The following CTNND2 variants were observed in gnomAD, a reference collection of about 807,000 sequenced individuals.
The protein encoded by CTNND2 is catenin delta 2, also known as catenin delta-2.
A neutral mutation model predicts 144.4 loss-of-function variants in CTNND2; 22 were observed. The observed-to-expected ratio is 0.15, with a 90% confidence interval of 0.11 to 0.22. The LOEUF (loss-of-function observed/expected upper bound fraction) is 0.22, where lower values mean the gene tolerates loss of function less well. Ranked by LOEUF, CTNND2 falls within the 10% of genes least tolerant of loss-of-function variation. The probability of loss-of-function intolerance (pLI) is 1.00; values close to 1 mark genes in which losing one functional copy is unlikely to be tolerated. For synonymous variants in CTNND2, 751 were observed against 695.6 expected (o/e 1.08, Z -1.25); for missense variants, 1,353 against 1,618.8 (o/e 0.84, Z 2.82).
chr5:11,214,074 A>C (rs1738924317), intron 10 of CTNND2, among the ~76,000 whole-genome samples: 1 of 152,100 alleles, frequency 6.6e-6, no homozygotes, highest in Admixed American at 6.5e-5. Context: ...CTTTCCAATA[A>C]TTCAAATAGC....
chr5:11,805,972 A>G (rs1192980989), intron 1 of CTNND2, among the ~76,000 whole-genome samples: 2 of 152,132 alleles, frequency 1.3e-5, no homozygotes, highest in Non-Finnish European at 2.9e-5. Flanking sequence ...CACTAACCCT[A>G]TCAGACAGAT....
rs771701274 is a variant in CTNND2, at chr5:11,062,619, C to T, written c.2788+20077G>A. Among the ~76,000 whole-genome samples the T allele has an allele frequency of 2.6e-4, 40 of 152,240 alleles. 1 individual carries two copies. The highest frequency in any genetic ancestry group is 4.6e-4 in the Non-Finnish European group (31 of 68,044). On this transcript the variant is annotated intron_variant, in intron 16 of 21. Transcript: ENST00000304623. Reference sequence around the variant, plus strand: ...TTAACCCTTGACTACATGGGAACAACGCCAAGCTCATAGCTATAGTTCCAC... The same window carrying T: ...TTAACCCTTGACTACATGGGAACAATGCCAAGCTCATAGCTATAGTTCCAC...
At chr5:11,423,390 C>T (rs1188238075) in intron 3 of CTNND2, among the ~76,000 whole-genome samples, 9 of 152,228 alleles carry the variant, frequency 5.9e-5, no homozygotes, top group African/African-American at 1.9e-4. Context: ...GATATTTCTG[C>T]AGGAGAAGAG....
At chr5:11,144,173 C>T (rs998290806) in intron 12 of CTNND2, among the ~76,000 whole-genome samples, 8 of 152,200 alleles carry the variant, frequency 5.3e-5, no homozygotes, top group Admixed American at 1.3e-4. Flanking sequence ...TGCCACTTGG[C>T]GGGTTAGAAA....
chr5:11,607,824 A>G (rs138377359), intron 2 of CTNND2, among the ~76,000 whole-genome samples: 2 of 152,298 alleles, frequency 1.3e-5, no homozygotes, highest in East Asian at 3.9e-4. Flanking sequence ...ATCCAACTTT[A>G]AAAGGACCAC....
chr5:11,184,992 G>T (rs893404182), intron 11 of CTNND2, among the ~76,000 whole-genome samples: 1 of 152,164 alleles, frequency 6.6e-6, no homozygotes, highest in Admixed American at 6.5e-5. Context: ...GTCTGAGCAG[G>T]TGTGCAAGAA....
At chr5:11,437,883 C>T (rs145640096) in intron 3 of CTNND2, among the ~76,000 whole-genome samples, 94 of 152,274 alleles carry the variant, frequency 6.2e-4, no homozygotes, top group African/African-American at 2.2e-3. Flanking sequence ...CCACAAGCAC[C>T]CTCACACAAG....
chr5:11,141,286 G>A (rs1756696108), intron 12 of CTNND2, among the ~76,000 whole-genome samples: 1 of 151,802 alleles, frequency 6.6e-6, no homozygotes, highest in Non-Finnish European at 1.5e-5. Context: ...ATGCATATAA[G>A]ACCGTCATTT....
intron 1 of CTNND2, among the ~76,000 whole-genome samples, chr5:11,758,893 C>A (rs771481853): frequency 2.6e-5 from 4 of 151,992 alleles, no homozygotes; most frequent in South Asian, 2.1e-4. Flanking sequence ...GAATGTTTCA[C>A]ATCATCAACA....
At chr5:11,239,028 A>G (rs1329407127) in intron 9 of CTNND2, among the ~76,000 whole-genome samples, 1 of 152,268 alleles carries the variant, frequency 6.6e-6, no homozygotes, top group Non-Finnish European at 1.5e-5. Context: ...ATGCAAATTA[A>G]TTCGAAATCT....
At chr5:11,544,181 T>C (rs1179025833) in intron 3 of CTNND2, among the ~76,000 whole-genome samples, 2 of 151,272 alleles carry the variant, frequency 1.3e-5, no homozygotes, top group Admixed American at 1.3e-4. Context: ...ATTTTTTTTT[T>C]CTTTTTTTTT....
At chr5:11,009,243 G>A (rs887837998) in intron 18 of CTNND2, among the ~76,000 whole-genome samples, 2 of 152,204 alleles carry the variant, frequency 1.3e-5, no homozygotes, top group Non-Finnish European at 2.9e-5. Context: ...GAGAGATGGA[G>A]CTAGCCAGCA....
intron 12 of CTNND2, among the ~76,000 whole-genome samples, chr5:11,147,635 A>G (rs1180965544): frequency 6.6e-6 from 1 of 150,842 alleles, no homozygotes; most frequent in African/African-American, 2.4e-5. Flanking sequence ...ATACAAAGAC[A>G]GATGGCCATA....
At chr5:11,888,171 A>T (rs1266046141) in intron 1 of CTNND2, among the ~76,000 whole-genome samples, 2 of 152,244 alleles carry the variant, frequency 1.3e-5, no homozygotes, top group Non-Finnish European at 1.5e-5. Context: ...AAGTGCAAAA[A>T]CAAAATGTTG....
intron 3 of CTNND2, among the ~76,000 whole-genome samples, chr5:11,509,720 G>A (rs568218517): frequency 1.3e-5 from 2 of 152,244 alleles, no homozygotes; most frequent in South Asian, 4.1e-4. Flanking sequence ...TCTTAAAACT[G>A]GATCTAGTCT....
intron 12 of CTNND2, among the ~76,000 whole-genome samples, chr5:11,144,377 G>T (rs941292485): frequency 2.2e-4 from 34 of 152,164 alleles, no homozygotes; most frequent in African/African-American, 8.2e-4. Flanking sequence ...GGAGGGTCGG[G>T]GAGCTCGGGA....
At chr5:11,368,398 G>A (rs1276769645) in intron 7 of CTNND2, among the ~76,000 whole-genome samples, 2 of 152,224 alleles carry the variant, frequency 1.3e-5, no homozygotes, top group Non-Finnish European at 2.9e-5. Flanking sequence ...TGGCTGTGGG[G>A]TTGGTGTTGG....
chr5:11,142,452 A>AGGGTGTGGAGAT (rs1756823492), intron 12 of CTNND2, among the ~76,000 whole-genome samples: 1 of 152,192 alleles, frequency 6.6e-6, no homozygotes, highest in Non-Finnish European at 1.5e-5. Flanking sequence ...GCCAGGGAGA[A>AGGGTGTGGAGAT]GGGTGTGAAC....
At chr5:11,345,544 T>C (rs1386910797) in intron 9 of CTNND2, among the ~76,000 whole-genome samples, 1 of 152,170 alleles carries the variant, frequency 6.6e-6, no homozygotes, top group East Asian at 1.9e-4. Context: ...TGAAAATTCC[T>C]TGAGATGAAT....
Sources: gnomAD v4.1 joint callset for allele counts (sites outside exome capture counted in the v4.1 genomes callset) on GRCh38, gnomAD v4.1.1 for gene constraint, MANE v1.5 for transcripts, NCBI Gene and HGNC (gene_info 2026-07-23, HGNC 2026-07-21) for gene names.